MAP3K19: variants seen among roughly 807,000 people sequenced by gnomAD.
The protein encoded by MAP3K19 is mitogen-activated protein kinase kinase kinase 19, also known as SPS1/STE20-related protein kinase YSK4.
In MAP3K19, 91 loss-of-function variants were observed where a neutral mutation model predicts 114.4. The observed-to-expected ratio is 0.80, with a 90% confidence interval of 0.67 to 0.95. The LOEUF is 0.95. Ranked by LOEUF, MAP3K19 falls within the 40% of genes least tolerant of loss-of-function variation. The probability of loss-of-function intolerance (pLI) is 0.00; values close to 1 mark genes in which losing one functional copy is unlikely to be tolerated. For missense variants in MAP3K19, 1,471 were observed against 1,573.2 expected, an observed-to-expected ratio of 0.94 and a Z score of 1.10; for synonymous variants, 518 against 530.5, an observed-to-expected ratio of 0.98 and a Z score of 0.32.
At chr2:135,008,162 G>C (rs368643316) in intron 5 of MAP3K19, among the ~76,000 whole-genome samples, 2 of 150,662 alleles carry the variant, frequency 1.3e-5, no homozygotes, top group Non-Finnish European at 3.0e-5. Flanking sequence ...TTGCTCTGTC[G>C]CCCAGGCTGG....
chr2:134,976,992 G>A (rs1019518571), intron 12 of MAP3K19, among the ~76,000 whole-genome samples: 1 of 148,348 alleles, frequency 6.7e-6, no homozygotes, highest in African/African-American at 2.5e-5. Flanking sequence ...GTTGCAGTGA[G>A]CCAAGGTCAC....
chr2:134,998,911 T>C lies in MAP3K19; in HGVS notation c.401A>G (p.Lys134Arg), dbSNP rs1227045988. Residue 134 changes from lysine (K) to arginine (R), a missense_variant, in exon 8 of 13, where the codon AAG (lysine) becomes AGG (arginine). Physicochemically the swap from Lys to Arg is conservative, Grantham distance 26. Coordinates refer to ENST00000392915, the MANE Select transcript of MAP3K19 (RefSeq NM_025052.5). ...NEIETVELRKKKLTMRPLVLQ... is the reference protein window; with the variant it reads ...NEIETVELRKRKLTMRPLVLQ... ...AACTAAGGGCCGCATGGTCAGCTTC[T>C]TTTTCCTGAGCTCCACCGTTTCTAT... 3.7e-6 allele frequency: 6 copies of C among 1,614,074 alleles called. No homozygotes were observed. Among genetic ancestry groups the C allele is most frequent in the Middle Eastern group, 1.6e-4 (1 of 6,084 alleles).
rs764588956 is a variant in MAP3K19 at position 134,980,941 on chromosome 2, A to G, written c.3800T>C (p.Leu1267Pro). ...GGCGGCCATCCTGTCCATGGAAGCCAGTGGAGGCTTCCCTGTAGCCATCTC... is the reference window on the plus strand; with the variant it reads ...GGCGGCCATCCTGTCCATGGAAGCCGGTGGAGGCTTCCCTGTAGCCATCTC... Reference protein sequence around the residue: ...VFEMATGKPPLASMDRMAAMF... With the variant: ...VFEMATGKPPPASMDRMAAMF... The change falls in exon 12 of 13, where the codon CTG becomes CCG. Residue 1267 changes from leucine (L) to proline (P), a missense_variant. By Grantham distance (98) the Leu-to-Pro change is moderately conservative. Transcript: ENST00000392915. 1 of 1,614,128 alleles carries G rather than the reference A, an allele frequency of 6.2e-7. No homozygotes were observed. The highest frequency in any genetic ancestry group is 8.5e-7 in the Non-Finnish European group (1 of 1,179,948).
rs1360525007 is a variant in MAP3K19, at chr2:134,978,817, G to A, written c.3920+2004C>T. On this transcript the variant is annotated intron_variant, in intron 12 of 12. Coordinates refer to ENST00000392915, the MANE Select transcript of MAP3K19 (RefSeq NM_025052.5). ...TAGTCTCAAGCGACATCCATCCCAG[G>A]CCCTTCAATACATTGCCATCTGACC... Among the ~76,000 whole-genome samples, 4 of 152,064 alleles carry A rather than the reference G, an allele frequency of 2.6e-5. 1 individual carries two copies. In the South Asian group the frequency reaches 8.3e-4, roughly 32 times the overall value.
chr2:134,990,479 T>G (rs984278908), intron 9 of MAP3K19, among the ~76,000 whole-genome samples: 1 of 151,892 alleles, frequency 6.6e-6, no homozygotes, highest in Non-Finnish European at 1.5e-5. Flanking sequence ...TTTTGTTTGT[T>G]TGTTTGTTTT....
rs183258463 is a variant in MAP3K19 at position 134,976,456 on chromosome 2, T to C, written c.3920+4365A>G. ...CTCGGCCAATCTCAACCAAACTGACTGTCTTCCTTTCCTTTTCTTCCATGT... is the reference window on the plus strand; with the variant it reads ...CTCGGCCAATCTCAACCAAACTGACCGTCTTCCTTTCCTTTTCTTCCATGT... On this transcript the variant is annotated intron_variant, in intron 12 of 12. Coordinates refer to ENST00000392915, the MANE Select transcript of MAP3K19 (RefSeq NM_025052.5). Among the ~76,000 whole-genome samples, 152 of 152,344 alleles carry C rather than the reference T, an allele frequency of 1.0e-3. 3 individuals are homozygous for C. The highest frequency in any genetic ancestry group is 8.2e-3 in the Admixed American group (125 of 15,306).
intron 9 of MAP3K19, among the ~76,000 whole-genome samples, chr2:134,990,723 C>T (rs1471207164): frequency 6.6e-6 from 1 of 152,132 alleles, no homozygotes; most frequent in Non-Finnish European, 1.5e-5. Context: ...GAACCACCCG[C>T]CTTGGCCTCC....
intron 5 of MAP3K19, among the ~76,000 whole-genome samples, chr2:135,011,464 G>A (rs1687224134): frequency 6.6e-6 from 1 of 151,366 alleles, no homozygotes; most frequent in East Asian, 1.9e-4. Context: ...GTGAACCCGG[G>A]AGGCGGAGCT....
intron 2 of MAP3K19, among the ~76,000 whole-genome samples, chr2:135,031,052 C>T (rs1294735492): frequency 1.3e-5 from 2 of 151,926 alleles, no homozygotes; most frequent in African/African-American, 4.8e-5. Flanking sequence ...ACAGACTGCC[C>T]AGTTGCATGT....
chr2:134,986,423 C>T lies in MAP3K19; in HGVS notation c.2449G>A (p.Glu817Lys). ...GAAATGTCTCTATCACCAGTAGACTCTTCCATAGAAACTTCTTCAACAATG... is the reference window on the plus strand; with the variant it reads ...GAAATGTCTCTATCACCAGTAGACTTTTCCATAGAAACTTCTTCAACAATG... ...LSIVEEVSME[E>K]STGDRDISNN... Residue 817 changes from glutamate to lysine, a missense_variant, in exon 10 of 13, where the codon GAG becomes AAG. Transcript: ENST00000392915. 1 of 1,613,944 alleles carries T rather than the reference C, an allele frequency of 6.2e-7. No individual in the cohort carries two copies. Among genetic ancestry groups the T allele is most frequent in the Non-Finnish European group, 8.5e-7 (1 of 1,180,028 alleles).
chr2:134,992,573 C>A (rs973828817), intron 8 of MAP3K19, among the ~76,000 whole-genome samples: 1 of 152,156 alleles, frequency 6.6e-6, no homozygotes, highest in Admixed American at 6.5e-5. Context: ...GATCATATGC[C>A]CAACTAAAGG....
chr2:135,017,275 C>T lies in MAP3K19; in HGVS notation c.138+4440G>A, dbSNP rs374415526. Among the ~76,000 whole-genome samples the T allele has an allele frequency of 3.3e-4, 50 of 152,232 alleles. No homozygotes were observed. In the South Asian group the frequency reaches 6.4e-3, roughly 20 times the overall value. On this transcript the variant is annotated intron_variant, in intron 5 of 12. Coordinates refer to ENST00000392915, the MANE Select transcript of MAP3K19 (RefSeq NM_025052.5). ...TCAGGGAACTTAAAAATGTCAGTAT[C>T]GGTAGGTTTATTTTCTGGGGTTATT...
chr2:135,021,104 C>T (rs138902725), intron 5 of MAP3K19, among the ~76,000 whole-genome samples: 16 of 152,074 alleles, frequency 1.1e-4, no homozygotes, highest in Admixed American at 5.9e-4. Context: ...CACACAGGCA[C>T]GCTCACCCAG....
intron 2 of MAP3K19, among the ~76,000 whole-genome samples, chr2:135,032,372 A>AAAG (rs765508585): frequency 6.9e-6 from 1 of 145,350 alleles, no homozygotes; most frequent in African/African-American, 2.6e-5. Flanking sequence ...AAAAAAAAAA[A>AAAG]AGAAAAGAAA....
At chr2:134,968,886 G>T (rs973716371) in intron 12 of MAP3K19, among the ~76,000 whole-genome samples, 2 of 150,292 alleles carry the variant, frequency 1.3e-5, no homozygotes, top group Admixed American at 1.3e-4. Context: ...AGGCAGAGGG[G>T]CTCCTCACAT....
intron 6 of MAP3K19, among the ~76,000 whole-genome samples, chr2:135,001,913 A>G (rs1686470955): frequency 6.6e-6 from 1 of 152,256 alleles, no homozygotes. Context: ...AGATATTGTT[A>G]AGAGCTAATG....
chr2:134,968,524 C>T (rs1683580943), intron 12 of MAP3K19, among the ~76,000 whole-genome samples: 1 of 149,182 alleles, frequency 6.7e-6, no homozygotes, highest in African/African-American at 2.5e-5. Flanking sequence ...GGGGTGGCTG[C>T]CGGGCGGAGA....
chr2:135,027,363 AAG>A (rs946666265), intron 3 of MAP3K19, among the ~76,000 whole-genome samples: 3 of 151,116 alleles, frequency 2.0e-5, no homozygotes, highest in Admixed American at 6.6e-5. Flanking sequence ...GAAAGAAAGA[AAG>A]AGAGAGAGAA....
chr2:134,967,155 G>A lies in MAP3K19; in HGVS notation c.3921-2239C>T, dbSNP rs1482962291. On this transcript the variant is annotated intron_variant, in intron 12 of 12. Transcript: ENST00000392915. ...CTTGCTAACAAGATGTTTCCAAGCA[G>A]TATACTTGGTAAAAGTCATCGCCAC... 4.6e-5 allele frequency among the ~76,000 whole-genome samples: 7 copies of A among 152,300 alleles called. No homozygotes were observed. The East Asian group carries it at 1.3e-3, about 29-fold the overall frequency.
Sources: allele counts gnomAD v4.1 joint callset (sites outside exome capture counted in the v4.1 genomes callset), GRCh38; gene constraint gnomAD v4.1.1; transcripts MANE v1.5; gene names NCBI Gene and HGNC (gene_info 2026-07-23, HGNC 2026-07-21).